The following POMT2 variants were observed in gnomAD, a reference collection of about 807,000 sequenced individuals.
POMT2 encodes the protein protein O-mannosyl-transferase 2.
POMT2 carries 75 observed loss-of-function variants against 100.0 expected under a neutral mutation model. That is an observed-to-expected ratio of 0.75 (90% confidence interval 0.62 to 0.91). The LOEUF (loss-of-function observed/expected upper bound fraction) is 0.91, where lower values mean the gene tolerates loss of function less well. Ranked by LOEUF, POMT2 falls within the 40% of genes least tolerant of loss-of-function variation. The pLI is 0.00. For synonymous variants in POMT2, 378 were observed against 374.1 expected (o/e 1.01, Z -0.12); for missense variants, 940 against 955.1 (o/e 0.98, Z 0.21).
intron 12 of POMT2, among the ~76,000 whole-genome samples, chr14:77,285,928 T>C (rs1158385770): frequency 1.3e-5 from 2 of 152,192 alleles, no homozygotes; most frequent in African/African-American, 2.4e-5. Context: ...TAAATACCTG[T>C]CTTTGCCCTT....
At position 77,320,500 on chromosome 14, in the gene POMT2, A is replaced by G; in HGVS notation, c.182T>C (p.Leu61Pro). Residue 61 changes from leucine (L) to proline (P), a missense_variant, in exon 1 of 21, where the codon CTG becomes CCG. Leu to Pro is a moderately conservative substitution (Grantham distance 98). Transcript: ENST00000261534. ...RFEAVGWWAL[L>P]ALVTLLSFAT... ...GAAGGACAGCAGCGTCACCAAGGCC[A>G]GCAGGGCCCACCAGCCGACCGCCTC... The G allele has an allele frequency of 1.3e-6, 2 of 1,547,010 alleles. No individual in the cohort carries two copies. Among genetic ancestry groups the G allele is most frequent in the Non-Finnish European group, 8.7e-7 (1 of 1,149,344 alleles).
intron 15 of POMT2, among the ~76,000 whole-genome samples, chr14:77,281,926 A>G (rs1213834160): frequency 6.6e-6 from 1 of 152,174 alleles, no homozygotes; most frequent in African/African-American, 2.4e-5. Context: ...GTGCCTTATG[A>G]ATCCAGTTCA....
intron 6 of POMT2, chr14:77,300,877 G>T: frequency 9.2e-6 from 6 of 649,564 alleles, no homozygotes; most frequent in Non-Finnish European, 1.3e-5. Flanking sequence ...TTCCAAGAAT[G>T]TTAATCTATC....
intron 2 of POMT2, among the ~76,000 whole-genome samples, chr14:77,311,028 G>A (rs1290939478): frequency 6.6e-6 from 1 of 152,226 alleles, no homozygotes; most frequent in Non-Finnish European, 1.5e-5. Context: ...AGCTACTTGG[G>A]AGGCTGAAGC....
At chr14:77,305,866 T>C (rs998950417) in intron 3 of POMT2, among the ~76,000 whole-genome samples, 1 of 152,174 alleles carries the variant, frequency 6.6e-6, no homozygotes, top group African/African-American at 2.4e-5. Flanking sequence ...GAAACCTTCA[T>C]GGGGAAAGAC....
chr14:77,285,765 G>A (rs561033678), intron 12 of POMT2, 133 bp from the exon 13 acceptor site: 237 of 1,067,910 alleles, frequency 2.2e-4, no homozygotes, highest in Non-Finnish European at 3.2e-4. Context: ...CAATGATAGA[G>A]ATGGGCAAGG....
intron 8 of POMT2, chr14:77,296,544 G>A (rs1890839089): frequency 2.1e-6 from 1 of 476,028 alleles, no homozygotes; most frequent in Admixed American, 3.5e-5. Flanking sequence ...AACAGCAAAA[G>A]ACGAAAAACA....
rs117335938 is a variant in POMT2 at position 77,311,761 on chromosome 14, T to G, written c.333+188A>C. 0.016 allele frequency among the ~76,000 whole-genome samples: 2,490 copies of G among 152,338 alleles called. 32 individuals carry two copies. Among genetic ancestry groups the G allele is most frequent in the Non-Finnish European group, 0.023 (1,554 of 68,040 alleles). On this transcript the variant is annotated intron_variant, in intron 2 of 20. Coordinates refer to ENST00000261534, the MANE Select transcript of POMT2 (RefSeq NM_013382.7). The stretch of plus-strand genomic sequence containing the variant: ...AGCTGATGGGCCCTCTTTCCATTTC[T>G]GAGCCCAGAGGACCCTTAAAAAACA...
intron 9 of POMT2, among the ~76,000 whole-genome samples, chr14:77,295,229 A>G (rs897987097): frequency 2.6e-5 from 4 of 152,328 alleles, no homozygotes; most frequent in African/African-American, 9.6e-5. Flanking sequence ...ACTCATTCAG[A>G]TGATACTCAC....
intron 4 of POMT2, among the ~76,000 whole-genome samples, chr14:77,303,369 G>C (rs1891120106): frequency 6.6e-6 from 1 of 152,134 alleles, no homozygotes; most frequent in African/African-American, 2.4e-5. Context: ...ATGGCAGAGT[G>C]ATGTTTTTTA....
At chr14:77,296,379 A>G in intron 8 of POMT2, 106 bp from the exon 9 acceptor site, 1 of 772,622 alleles carries the variant, frequency 1.3e-6, no homozygotes, top group Non-Finnish European at 2.2e-6. Flanking sequence ...CCTCTGCGAG[A>G]CTCCCCTGGG....
chr14:77,297,335 T>A (rs997952398), intron 8 of POMT2, among the ~76,000 whole-genome samples: 1 of 152,272 alleles, frequency 6.6e-6, no homozygotes, highest in Admixed American at 6.5e-5. Context: ...TCCTCTTGCA[T>A]TCCCCAGTGA....
At chr14:77,319,721 C>T (rs572491983) in intron 1 of POMT2, 1 of 152,558 alleles carries the variant, frequency 6.6e-6, no homozygotes, top group African/African-American at 2.4e-5. Flanking sequence ...GAAACTGCTT[C>T]TAACATGCAT....
intron 10 of POMT2, among the ~76,000 whole-genome samples, chr14:77,290,726 T>C (rs1379117121): frequency 1.3e-5 from 2 of 152,210 alleles, no homozygotes; most frequent in African/African-American, 2.4e-5. Flanking sequence ...GAGAGCCTGA[T>C]AGGTGTGCTT....
intron 2 of POMT2, among the ~76,000 whole-genome samples, chr14:77,310,382 T>C (rs1042057325): frequency 2.0e-5 from 3 of 152,236 alleles, no homozygotes; most frequent in African/African-American, 7.2e-5. Context: ...TATAAGGTTG[T>C]TCTGAGGCTT....
chr14:77,315,840 T>C (rs1891603390), intron 1 of POMT2, among the ~76,000 whole-genome samples: 3 of 152,052 alleles, frequency 2.0e-5, no homozygotes, highest in South Asian at 2.1e-4. Context: ...GGTGAAACCC[T>C]GTCTCTACTA....
At chr14:77,280,489 A>G in intron 15 of POMT2, 26 bp from the exon 16 acceptor site, 1 of 1,614,158 alleles carries the variant, frequency 6.2e-7, no homozygotes, top group Non-Finnish European at 8.5e-7. Flanking sequence ...AAAGAAAGCT[A>G]GTCAAGACAG....
In POMT2 at chr14:77,277,564, G is replaced by C. The variant is rs959733353; in HGVS notation, c.2148-83C>G. 1.2e-5 allele frequency: 14 copies of C among 1,144,966 alleles called. No individual in the cohort carries two copies. In the Admixed American group the frequency reaches 2.4e-4, roughly 20 times the overall value. 70.9% of individuals were successfully genotyped at this position (1,144,966 alleles called of 1,614,324 possible). Reference sequence around the variant, plus strand: ...TTTGAATTCCATTCCTCCTGCTGGAGCTCCAGAGAAATTCCCCATCGCCAA... The same window carrying C: ...TTTGAATTCCATTCCTCCTGCTGGACCTCCAGAGAAATTCCCCATCGCCAA... On this transcript the variant is annotated intron_variant, in intron 20 of 20. Coordinates refer to ENST00000261534, the MANE Select transcript of POMT2 (RefSeq NM_013382.7).
intron 1 of POMT2, among the ~76,000 whole-genome samples, chr14:77,318,655 T>C (rs1891712928): frequency 6.6e-6 from 1 of 151,876 alleles, no homozygotes; most frequent in South Asian, 2.1e-4. Context: ...AATCCTGGAG[T>C]GGCCTGCACT....
Sources: gnomAD v4.1 joint callset for allele counts (sites outside exome capture counted in the v4.1 genomes callset) on GRCh38, gnomAD v4.1.1 for gene constraint, MANE v1.5 for transcripts, NCBI Gene and HGNC (gene_info 2026-07-23, HGNC 2026-07-21) for gene names.